Variants in UBA6 observed in about 807,000 individuals in gnomAD.
UBA6 encodes the protein ubiquitin like modifier activating enzyme 6.
UBA6 carries 87 observed loss-of-function variants against 148.3 expected under a neutral mutation model. The ratio of observed to expected loss-of-function variants is 0.59; its 90% CI spans 0.49 to 0.70. The LOEUF (loss-of-function observed/expected upper bound fraction) is 0.70, where lower values mean the gene tolerates loss of function less well. Among genes scored for constraint, UBA6 ranks in the 30% least tolerant of loss-of-function variants. UBA6 has a pLI of 0.00. For missense variants in UBA6, 1,186 were observed against 1,241.2 expected, an observed-to-expected ratio of 0.96 and a Z score of 0.67; for synonymous variants, 376 against 401.0, an observed-to-expected ratio of 0.94 and a Z score of 0.75.
At chr4:67,663,016 G>C in intron 12 of UBA6, 123 bp downstream of exon 12, 1 of 578,122 alleles carries the variant, frequency 1.7e-6, no homozygotes. Flanking sequence ...ATAAATGTTT[G>C]CACAGCTTGG....
rs550025523 is a variant in UBA6 at position 67,681,033 on chromosome 4, A to G, written c.258+530T>C. Among the ~76,000 whole-genome samples, 6 of 152,318 alleles carry G rather than the reference A, an allele frequency of 3.9e-5. No individual in the cohort carries two copies. The East Asian group carries it at 1.2e-3, about 29-fold the overall frequency. ...CTAATACCTTGACTGCAGCCTTGTA[A>G]GAGACTCCCAGAGAAACCCCAACCA... On this transcript the variant is annotated intron_variant, in intron 4 of 32. Coordinates refer to ENST00000322244, the MANE Select transcript of UBA6 (RefSeq NM_018227.6).
At chr4:67,621,894 A>G (rs1306241977) in intron 32 of UBA6, among the ~76,000 whole-genome samples, 1 of 152,198 alleles carries the variant, frequency 6.6e-6, no homozygotes, top group African/African-American at 2.4e-5. Flanking sequence ...AAGAAAAAGT[A>G]GAGAAGAGTA....
chr4:67,658,537 T>C (rs1729759415), intron 13 of UBA6, among the ~76,000 whole-genome samples: 1 of 152,068 alleles, frequency 6.6e-6, no homozygotes, highest in South Asian at 2.1e-4. Context: ...CAACACGCAC[T>C]GGGGCCTACT....
rs570744997 is a variant in UBA6 at position 67,663,800 on chromosome 4, T to C, written c.960+85A>G. ...GCCCGACAGCCAGATACCTACATGGTTATTCCATTTTAACTTCATAATCAC... is the reference window on the plus strand; with the variant it reads ...GCCCGACAGCCAGATACCTACATGGCTATTCCATTTTAACTTCATAATCAC... On this transcript the variant is annotated intron_variant, in intron 11 of 32. Coordinates refer to ENST00000322244, the MANE Select transcript of UBA6 (RefSeq NM_018227.6). 1.6e-5 allele frequency: 18 copies of C among 1,160,822 alleles called. No homozygotes were observed. In the South Asian group the frequency reaches 1.6e-4, roughly 10 times the overall value. The allele number at this position is 1,160,822 out of a possible 1,614,324, so 71.9% of individuals were successfully genotyped here. A position where few individuals can be genotyped will look rare whatever the true frequency, so the allele number is the denominator to read the frequency against.
rs756529673 is a variant in UBA6 at position 67,678,546 on chromosome 4, A to G, written c.259-13T>C. Reference sequence around the variant, plus strand: ...GAATTGTAACTGCCTTCAAAAAAGAAAAAAGTATTGGTTGAAGTCAGGAGT... The same window carrying G: ...GAATTGTAACTGCCTTCAAAAAAGAGAAAAGTATTGGTTGAAGTCAGGAGT... On this transcript the variant is annotated splice_polypyrimidine_tract_variant and intron_variant, in intron 4 of 32. Transcript: ENST00000322244. 9.0e-6 allele frequency: 14 copies of G among 1,547,062 alleles called. No homozygotes were observed. Among genetic ancestry groups the G allele is most frequent in the Non-Finnish European group, 1.2e-5 (14 of 1,129,148 alleles).
At position 67,618,961 on chromosome 4, in the gene UBA6, TC is replaced by T. The variant is rs1284716050; in HGVS notation, c.*35del. The stretch of plus-strand genomic sequence containing the variant: ...TGAATTAAGTGCACTCTTTCCAAAA[TC>T]AAGTGGTCCTGGAGTAACGTTAAGA... On this transcript the variant is annotated 3_prime_UTR_variant, in exon 33 of 33. Transcript: ENST00000322244. 1 of 1,592,686 alleles carries T rather than the reference TC, an allele frequency of 6.3e-7. No homozygotes were observed. Among genetic ancestry groups the T allele is most frequent in the Non-Finnish European group, 8.5e-7 (1 of 1,171,086 alleles).
At chr4:67,693,842 C>T (rs1386414555) in intron 2 of UBA6, among the ~76,000 whole-genome samples, 3 of 152,074 alleles carry the variant, frequency 2.0e-5, no homozygotes, top group Non-Finnish European at 4.4e-5. Context: ...CATTTCATGC[C>T]TTGTCCCTAA....
rs563005522 is a variant in UBA6 at position 67,701,000 on chromosome 4, C to A, written c.71+49G>T. On this transcript the variant is annotated intron_variant, in intron 1 of 32. Coordinates refer to ENST00000322244, the MANE Select transcript of UBA6 (RefSeq NM_018227.6). ...GAAAGAAAGAAGCAGAAACCCGGAG[C>A]CTGGGTCCCACCCGCGACCCCTCAC... The A allele has an allele frequency of 2.0e-4, 326 of 1,597,752 alleles. 3 individuals carry two copies. Among genetic ancestry groups the A allele is most frequent in the Middle Eastern group, 2.0e-3 (12 of 6,032 alleles).
intron 2 of UBA6, among the ~76,000 whole-genome samples, chr4:67,691,531 T>C (rs374767017): frequency 6.6e-4 from 101 of 152,286 alleles, no homozygotes; most frequent in African/African-American, 2.3e-3. Context: ...CTCCAGTAAA[T>C]TGAATATTGC....
rs1212005348 is a variant in UBA6 at position 67,662,247 on chromosome 4, T to C, written c.1046A>G (p.Gln349Arg). ...YSRKPNVGCQ[Q>R]DSEELLKLAT... ...TAGTTTCAACAGTTCTTCTGAATCTTGTTGGCATCTACAACTCAAAACAGA... is the reference window on the plus strand; with the variant it reads ...TAGTTTCAACAGTTCTTCTGAATCTCGTTGGCATCTACAACTCAAAACAGA... The change falls in exon 13 of 33, where the codon CAA (glutamine) becomes CGA (arginine). Residue 349 changes from glutamine (Q) to arginine (R), a missense_variant. Transcript: ENST00000322244. 1 of 1,613,540 alleles carries C rather than the reference T, an allele frequency of 6.2e-7. No homozygotes were observed. The highest frequency in any genetic ancestry group is 1.1e-5 in the South Asian group (1 of 91,046).
In UBA6 at chr4:67,631,699, A is replaced by G; in HGVS notation, c.2258+9T>C. ...TGAAGGATACATAAAACTAAATATA[A>G]ATACTTACAAAGGCTCATTTAAATC... On this transcript the variant is annotated intron_variant, in intron 25 of 32. Coordinates refer to ENST00000322244, the MANE Select transcript of UBA6 (RefSeq NM_018227.6). The G allele has an allele frequency of 6.3e-7, 1 of 1,591,344 alleles. No individual in the cohort carries two copies. The highest frequency in any genetic ancestry group is 8.6e-7 in the Non-Finnish European group (1 of 1,165,566).
rs1245922611 is a variant in UBA6 at position 67,629,210 on chromosome 4, C to T, written c.2329-68G>A. 9 of 997,126 alleles carry T rather than the reference C, an allele frequency of 9.0e-6. No homozygotes were observed. The East Asian group carries it at 1.9e-4, about 21-fold the overall frequency. The allele number at this position is 997,126 out of a possible 1,614,324, so 61.8% of individuals were successfully genotyped here. Reference sequence around the variant, plus strand: ...AAATTCTAAAGCTAAAAATATCCTACAAAAGGTCCTTAATCATATTACAAT... The same window carrying T: ...AAATTCTAAAGCTAAAAATATCCTATAAAAGGTCCTTAATCATATTACAAT... On this transcript the variant is annotated intron_variant, in intron 26 of 32. Transcript: ENST00000322244.
intron 13 of UBA6, among the ~76,000 whole-genome samples, chr4:67,651,586 T>A (rs1226180455): frequency 6.6e-6 from 1 of 152,212 alleles, no homozygotes; most frequent in Non-Finnish European, 1.5e-5. Context: ...CTAGCCAAGC[T>A]TACAAGTATG....
intron 32 of UBA6, among the ~76,000 whole-genome samples, chr4:67,622,095 G>A (rs1728765067): frequency 6.6e-6 from 1 of 152,192 alleles, no homozygotes; most frequent in Admixed American, 6.5e-5. Context: ...GACAAATAAG[G>A]AGGCCAGTGT....
chr4:67,696,553 G>A, intron 2 of UBA6, 92 bp downstream of exon 2: 2 of 927,002 alleles, frequency 2.2e-6, no homozygotes, highest in South Asian at 1.7e-5. Context: ...ATATAATTCT[G>A]CATAGGCTGA....
chr4:67,656,711 T>A (rs1166746200), intron 13 of UBA6, among the ~76,000 whole-genome samples: 12 of 152,108 alleles, frequency 7.9e-5, no homozygotes. Context: ...AAATAAAGGG[T>A]ATTCAATTAG....
At chr4:67,651,356 T>G (rs1729549962) in intron 13 of UBA6, among the ~76,000 whole-genome samples, 1 of 152,128 alleles carries the variant, frequency 6.6e-6, no homozygotes, top group Non-Finnish European at 1.5e-5. Flanking sequence ...CATATCAAAA[T>G]GGGCTTATGG....
intron 7 of UBA6, among the ~76,000 whole-genome samples, chr4:67,672,718 C>T (rs1171553783): frequency 6.6e-6 from 1 of 152,152 alleles, no homozygotes; most frequent in Non-Finnish European, 1.5e-5. Flanking sequence ...AAACCGCCAA[C>T]CTAATTTTTA....
At chr4:67,670,358 T>C (rs1305759090) in intron 8 of UBA6, 112 bp downstream of exon 8, 3 of 861,996 alleles carry the variant, frequency 3.5e-6, no homozygotes, top group Non-Finnish European at 5.4e-6. Context: ...CTTAAAACAC[T>C]GTAAAATAAA....
Sources: gnomAD v4.1 joint callset for allele counts (sites outside exome capture counted in the v4.1 genomes callset) on GRCh38, gnomAD v4.1.1 for gene constraint, MANE v1.5 for transcripts, NCBI Gene and HGNC (gene_info 2026-07-23, HGNC 2026-07-21) for gene names.